Variants in OXR1 observed in about 807,000 individuals in gnomAD.
OXR1 encodes oxidation resistance protein 1.
OXR1 carries 41 observed loss-of-function variants against 104.6 expected under a neutral mutation model. That is an observed-to-expected ratio of 0.39 (90% CI 0.31 to 0.51). The LOEUF (loss-of-function observed/expected upper bound fraction) is 0.51, where lower values mean the gene tolerates loss of function less well. OXR1 is among the 20% of genes least tolerant of loss of function. The pLI, the probability that OXR1 is intolerant of heterozygous loss-of-function variation, is 0.77. For missense variants in OXR1, 955 were observed against 1,031.9 expected, an observed-to-expected ratio of 0.93 and a Z score of 1.02; for synonymous variants, 348 against 348.4, an observed-to-expected ratio of 1.00 and a Z score of 0.01.
At position 106,669,727 on chromosome 8, in the gene OXR1, A is replaced by G. The variant is rs1489519072; in HGVS notation, c.221-9483A>G. ...AGTTATTATAGGAGTCTTTTATTAC[A>G]TTAAACCTGATCTCATAGTACGTTC... On this transcript the variant is annotated intron_variant, in intron 3 of 16. Transcript: ENST00000517566. Among the ~76,000 whole-genome samples the G allele has an allele frequency of 2.0e-5, 3 of 152,198 alleles. No homozygotes were observed. In the South Asian group the frequency reaches 6.2e-4, roughly 31 times the overall value.
At chr8:106,275,012 C>G (rs901911382) in intron 1 of OXR1, among the ~76,000 whole-genome samples, 7 of 152,230 alleles carry the variant, frequency 4.6e-5, no homozygotes, top group Non-Finnish European at 1.0e-4. Flanking sequence ...GGGACTCTTG[C>G]ACTTGCAATA....
intron 3 of OXR1, among the ~76,000 whole-genome samples, chr8:106,611,751 AT>A (rs1820828414): frequency 6.6e-6 from 1 of 152,088 alleles, no homozygotes; most frequent in Non-Finnish European, 1.5e-5. Context: ...CTTTGCCAGC[AT>A]TAGGTGGGGA....
At chr8:106,703,870 C>T (rs1371993607) in intron 8 of OXR1, among the ~76,000 whole-genome samples, 2 of 152,194 alleles carry the variant, frequency 1.3e-5, no homozygotes, top group African/African-American at 2.4e-5. Flanking sequence ...TCATACATGA[C>T]TACCAACATT....
intron 3 of OXR1, among the ~76,000 whole-genome samples, chr8:106,521,158 G>A (rs1415328952): frequency 1.3e-5 from 2 of 152,144 alleles, no homozygotes; most frequent in East Asian, 3.9e-4. Context: ...TAACATATTA[G>A]CAACCGTATA....
Position 106,684,261 on chromosome 8 carries a change from G to T in OXR1, c.427G>T (p.Asp143Tyr). 6.3e-7 allele frequency: 1 copy of T among 1,586,170 alleles called. No homozygotes were observed. Among genetic ancestry groups the T allele is most frequent in the Non-Finnish European group, 8.7e-7 (1 of 1,155,270 alleles). ...VVTGQVLYVP[D>Y]PEYVSSVESS... Reference sequence around the variant, plus strand: ...TTTCTTACAGGTTCTGTATGTTCCTGATCCTGAATATGTCTCCAGTGTTGA... The same window carrying T: ...TTTCTTACAGGTTCTGTATGTTCCTTATCCTGAATATGTCTCCAGTGTTGA... The change falls in exon 6 of 17, where the codon GAT (aspartate) becomes TAT (tyrosine). Residue 143 changes from aspartate to tyrosine, a missense_variant. Asp to Tyr is a radical substitution (Grantham distance 160). This residue lies in a region of OXR1 where 849 missense variants were observed against 852.9 expected (regional missense o/e 1.00). Coordinates refer to ENST00000517566, the MANE Select transcript of OXR1 (RefSeq NM_001198533.2).
At chr8:106,548,857 G>A (rs1815578465) in intron 3 of OXR1, among the ~76,000 whole-genome samples, 1 of 152,142 alleles carries the variant, frequency 6.6e-6, no homozygotes, top group African/African-American at 2.4e-5. Context: ...TGTAGTCTGT[G>A]AATATTATAA....
chr8:106,655,101 G>A (rs760815749), intron 3 of OXR1, among the ~76,000 whole-genome samples: 5 of 152,128 alleles, frequency 3.3e-5, no homozygotes, highest in Non-Finnish European at 5.9e-5. Context: ...ATCCACCGAG[G>A]CAGAAATAGA....
chr8:106,500,635 T>C (rs1811747453), intron 2 of OXR1, among the ~76,000 whole-genome samples: 1 of 152,052 alleles, frequency 6.6e-6, no homozygotes, highest in African/African-American at 2.4e-5. Flanking sequence ...GTCTGAGAGG[T>C]TTTGTCTGTG....
At chr8:106,640,155 T>C (rs1266379666) in intron 3 of OXR1, among the ~76,000 whole-genome samples, 1 of 152,138 alleles carries the variant, frequency 6.6e-6, no homozygotes, top group African/African-American at 2.4e-5. Context: ...CTGATGTGTA[T>C]ACTTTCACAT....
chr8:106,317,802 A>AT (rs1028832081), intron 1 of OXR1, among the ~76,000 whole-genome samples: 8 of 151,934 alleles, frequency 5.3e-5, no homozygotes, highest in Non-Finnish European at 1.0e-4. Flanking sequence ...TCCAAAAAAA[A>AT]AAAACAAAAA....
chr8:106,510,670 A>C (rs1812464241), intron 2 of OXR1, among the ~76,000 whole-genome samples: 1 of 152,130 alleles, frequency 6.6e-6, no homozygotes, highest in African/African-American at 2.4e-5. Context: ...ACAGAGTTAA[A>C]TTCAACTACA....
intron 3 of OXR1, among the ~76,000 whole-genome samples, chr8:106,625,743 A>G (rs1267730296): frequency 6.6e-6 from 1 of 152,204 alleles, no homozygotes; most frequent in Non-Finnish European, 1.5e-5. Flanking sequence ...GTGTGTCTGC[A>G]TTGTATAATC....
intron 3 of OXR1, among the ~76,000 whole-genome samples, chr8:106,580,488 T>A (rs548504039): frequency 8.5e-5 from 13 of 152,320 alleles, no homozygotes; most frequent in African/African-American, 3.1e-4. Flanking sequence ...ACAAGTAGTT[T>A]GATGCCACTT....
chr8:106,646,626 G>C (rs1824105592), intron 3 of OXR1, among the ~76,000 whole-genome samples: 2 of 151,922 alleles, frequency 1.3e-5, no homozygotes, highest in African/African-American at 4.9e-5. Context: ...ATAGAATTAA[G>C]AGAGGAGAAG....
At chr8:106,491,502 A>C (rs560227529) in intron 2 of OXR1, among the ~76,000 whole-genome samples, 1 of 152,332 alleles carries the variant, frequency 6.6e-6, no homozygotes, top group South Asian at 2.1e-4. Flanking sequence ...TAATGTGGTG[A>C]TATATCTCAT....
chr8:106,404,484 A>T (rs1028460507), intron 2 of OXR1, among the ~76,000 whole-genome samples: 4 of 152,144 alleles, frequency 2.6e-5, no homozygotes, highest in African/African-American at 7.2e-5. Flanking sequence ...ATTTTTGTCA[A>T]TCTTAGCCCT....
intron 2 of OXR1, among the ~76,000 whole-genome samples, chr8:106,462,771 C>T (rs1187477435): frequency 6.7e-6 from 1 of 149,534 alleles, no homozygotes; most frequent in Non-Finnish European, 1.5e-5. Flanking sequence ...GATGCATTCA[C>T]TTCCCTGAAC....
chr8:106,294,484 CTT>C (rs1000247063), intron 1 of OXR1, among the ~76,000 whole-genome samples: 6 of 151,228 alleles, frequency 4.0e-5, no homozygotes, highest in Non-Finnish European at 7.4e-5. Context: ...GTTCTGCAGA[CTT>C]TATAGGAAGC....
At chr8:106,331,997 A>AGTGTGT (rs3073756) in intron 1 of OXR1, among the ~76,000 whole-genome samples, 3,073 of 138,106 alleles carry the variant, frequency 0.022, 41 homozygotes, top group Middle Eastern at 0.037. Flanking sequence ...GAAAGAACAT[A>AGTGTGT]GTGTGTGTGT....
Sources: allele counts gnomAD v4.1 joint callset (sites outside exome capture counted in the v4.1 genomes callset), GRCh38; gene constraint gnomAD v4.1.1; regional missense constraint gnomAD v4.1.1; transcripts MANE v1.5; gene names NCBI Gene and HGNC (gene_info 2026-07-23, HGNC 2026-07-21).